CEP63: variants seen among roughly 807,000 people sequenced by gnomAD.
The protein encoded by CEP63 is centrosomal protein of 63 kDa.
CEP63 carries 84 observed loss-of-function variants against 89.1 expected under a neutral mutation model. The ratio of observed to expected loss-of-function variants is 0.94; its 90% CI spans 0.79 to 1.13. The LOEUF is 1.13. CEP63 is among the 50% of genes most tolerant of loss of function. The pLI is 0.00. For missense variants in CEP63, 838 were observed against 813.3 expected, an observed-to-expected ratio of 1.03 and a Z score of -0.37; for synonymous variants, 267 against 272.5, an observed-to-expected ratio of 0.98 and a Z score of 0.20.
chr3:134,596,883 C>T, the CEP63 span, among the ~76,000 whole-genome samples: 1 of 152,172 alleles, frequency 6.6e-6, no homozygotes, highest in Admixed American at 6.5e-5. Flanking sequence ...ATGGCTTGGG[C>T]AGTGGGAGGA....
At chr3:134,616,156 AC>A in the CEP63 span, among the ~76,000 whole-genome samples, 1 of 152,206 alleles carries the variant, frequency 6.6e-6, no homozygotes, top group Non-Finnish European at 1.5e-5. Context: ...AAAAAGAGAG[AC>A]ATTAATGTTG....
chr3:134,598,909 A>C, the CEP63 span, among the ~76,000 whole-genome samples: 1 of 152,162 alleles, frequency 6.6e-6, no homozygotes, highest in African/African-American at 2.4e-5. Flanking sequence ...ATCAGACAGA[A>C]CCAGCATCCT....
the CEP63 span, among the ~76,000 whole-genome samples, chr3:134,665,591 C>T: frequency 5.9e-5 from 9 of 151,752 alleles, no homozygotes; most frequent in South Asian, 2.1e-4. Context: ...TGTTCCCGGC[C>T]GCCAGCCCGG....
At chr3:134,523,226 T>C (rs1947881798) in intron 3 of CEP63, among the ~76,000 whole-genome samples, 1 of 152,186 alleles carries the variant, frequency 6.6e-6, no homozygotes. Context: ...GTTCATATCT[T>C]TTGCCCAGTT....
At chr3:134,511,554 G>C (rs1377230510) in intron 3 of CEP63, 1 of 152,686 alleles carries the variant, frequency 6.5e-6, no homozygotes, top group Non-Finnish European at 1.5e-5. Flanking sequence ...ATTGCAATAA[G>C]GAACTACCTG....
the CEP63 span, among the ~76,000 whole-genome samples, chr3:134,756,429 G>A: frequency 2.0e-4 from 31 of 152,228 alleles, no homozygotes; most frequent in African/African-American, 4.8e-4. Flanking sequence ...ATGAAACCTC[G>A]ACCTCCTGGG....
At chr3:134,610,711 C>T in the CEP63 span, 1 of 226,166 alleles carries the variant, frequency 4.4e-6, no homozygotes, top group South Asian at 1.7e-4. Context: ...AGCAGCTCTT[C>T]AGGAGGAAAA....
chr3:134,638,331 A>G, the CEP63 span, among the ~76,000 whole-genome samples: 1 of 152,182 alleles, frequency 6.6e-6, no homozygotes, highest in Admixed American at 6.5e-5. Context: ...GCCAATCTCT[A>G]ACAGAGAGTA....
chr3:134,547,628 T>TTTTTTTTTTTTTTTTTTTTTTTTG (rs1182808443), intron 9 of CEP63, among the ~76,000 whole-genome samples, 156 bp downstream of exon 9: 3 of 122,684 alleles, frequency 2.4e-5, no homozygotes, highest in East Asian at 2.3e-4. Context: ...TTTTTTTTTT[T>TTTTTTTTTTTTTTTTTTTTTTTTG]TGAGACGGAG....
At chr3:134,657,714 A>G in the CEP63 span, among the ~76,000 whole-genome samples, 11 of 152,182 alleles carry the variant, frequency 7.2e-5, no homozygotes, top group East Asian at 1.9e-3. Flanking sequence ...GACTATGACT[A>G]TTTTAAACAT....
chr3:134,662,214 T>C, the CEP63 span, among the ~76,000 whole-genome samples: 1 of 151,904 alleles, frequency 6.6e-6, no homozygotes, highest in Admixed American at 6.6e-5. Flanking sequence ...GAGGCAGAGC[T>C]TGCAGTGAGC....
intron 5 of CEP63, among the ~76,000 whole-genome samples, chr3:134,533,736 A>T (rs1950261126): frequency 6.6e-6 from 1 of 152,282 alleles, no homozygotes; most frequent in Middle Eastern, 3.4e-3. Flanking sequence ...CATTGTATCC[A>T]GCTCCCCTAG....
At chr3:134,621,934 T>A in the CEP63 span, among the ~76,000 whole-genome samples, 2 of 152,090 alleles carry the variant, frequency 1.3e-5, no homozygotes, top group Non-Finnish European at 2.9e-5. Flanking sequence ...AAAGAAGATA[T>A]ACAAATGGCC....
At position 134,495,305 on chromosome 3, in the gene CEP63, C is replaced by G. The variant is rs1383654663; in HGVS notation, c.-16C>G. Reference sequence around the variant, plus strand: ...TTTTTTTCTTTGTCAGTTGCCAAAACAAAGGGGATTTGGTGATGGAGGCTT... The same window carrying G: ...TTTTTTTCTTTGTCAGTTGCCAAAAGAAAGGGGATTTGGTGATGGAGGCTT... On this transcript the variant is annotated 5_prime_UTR_variant, in exon 2 of 15. Transcript: ENST00000675561. 6.2e-7 allele frequency: 1 copy of G among 1,612,376 alleles called. No homozygotes were observed. Among genetic ancestry groups the G allele is most frequent in the South Asian group, 1.1e-5 (1 of 90,992 alleles).
the CEP63 span, among the ~76,000 whole-genome samples, chr3:134,667,048 C>T: frequency 3.9e-5 from 6 of 152,192 alleles, no homozygotes; most frequent in African/African-American, 7.2e-5. Context: ...GCTCCTCCCC[C>T]GCGTCCTCCC....
chr3:134,593,097 G>A, the CEP63 span, among the ~76,000 whole-genome samples: 1 of 152,174 alleles, frequency 6.6e-6, no homozygotes, highest in African/African-American at 2.4e-5. Flanking sequence ...CTGCCTCATG[G>A]AGTGGAGAGC....
At chr3:134,698,597 G>A in the CEP63 span, among the ~76,000 whole-genome samples, 1 of 152,170 alleles carries the variant, frequency 6.6e-6, no homozygotes, top group Non-Finnish European at 1.5e-5. Flanking sequence ...ATTGAGAGGT[G>A]GCTCCAAACT....
At chr3:134,688,260 TACTATA>T in the CEP63 span, among the ~76,000 whole-genome samples, 1 of 152,230 alleles carries the variant, frequency 6.6e-6, no homozygotes, top group Non-Finnish European at 1.5e-5. Flanking sequence ...TGGATCAACA[TACTATA>T]ATATGGATGG....
chr3:134,650,627 GCTGCGCGTTGCCACGGGA>G, the CEP63 span, among the ~76,000 whole-genome samples: 14 of 152,256 alleles, frequency 9.2e-5, no homozygotes, highest in Admixed American at 3.9e-4. Context: ...CAATCACGGG[GCTGCGCGTTGCCACGGGA>G]CTGCGCGTTG....
Sources: allele counts gnomAD v4.1 joint callset (sites outside exome capture counted in the v4.1 genomes callset), GRCh38; gene constraint gnomAD v4.1.1; transcripts MANE v1.5; gene names NCBI Gene and HGNC (gene_info 2026-07-23, HGNC 2026-07-21).